The following C3orf49 variants were observed in gnomAD, a reference collection of about 807,000 sequenced individuals.
C3orf49 encodes the protein putative uncharacterized protein C3orf49.
C3orf49 carries 27 observed loss-of-function variants against 13.3 expected under a neutral mutation model. The ratio of observed to expected loss-of-function variants is 2.02; its 90% CI spans 1.49 to 2.79. The LOEUF is 2.79. Among genes scored for constraint, C3orf49 ranks in the 30% most tolerant of loss-of-function variants. The probability of loss-of-function intolerance (pLI) is 0.00; values close to 1 mark genes in which losing one functional copy is unlikely to be tolerated. For missense variants in C3orf49, 242 were observed against 134.2 expected (o/e 1.80, Z -3.97); for synonymous variants, 87 against 47.6 (o/e 1.83, Z -3.40).
chr3:63,829,342 T>C (rs979745075), intron 3 of C3orf49, among the ~76,000 whole-genome samples: 3 of 152,210 alleles, frequency 2.0e-5, no homozygotes, highest in Non-Finnish European at 4.4e-5. Flanking sequence ...TTTGAACAAA[T>C]GTTGCTAGAA....
intron 5 of C3orf49, among the ~76,000 whole-genome samples, chr3:63,839,270 C>T (rs1701704645): frequency 6.6e-6 from 1 of 152,126 alleles, no homozygotes; most frequent in Admixed American, 6.6e-5. Context: ...CCATTTCTGC[C>T]ATTAAAGTTA....
chr3:63,840,606 A>C (rs1204200708), intron 5 of C3orf49, among the ~76,000 whole-genome samples: 2 of 152,218 alleles, frequency 1.3e-5, no homozygotes, highest in Non-Finnish European at 2.9e-5. Context: ...AAAGAAAAAA[A>C]TAAAAAATAA....
At chr3:63,818,577 A>G (rs1019186160), upstream of C3orf49, among the ~76,000 whole-genome samples, 1 of 152,242 alleles carries the variant, frequency 6.6e-6, no homozygotes, top group African/African-American at 2.4e-5. Flanking sequence ...AGTATGCTCC[A>G]GATTATTGAT....
chr3:63,827,573 C>G, intron 2 of C3orf49, 28 bp from the exon 3 acceptor site: 2 of 698,692 alleles, frequency 2.9e-6, no homozygotes, highest in Non-Finnish European at 5.2e-6. Flanking sequence ...GTGATCCTTA[C>G]AGATTCCTTT....
the C3orf49 span, among the ~76,000 whole-genome samples, chr3:63,802,783 T>C: frequency 2.6e-5 from 4 of 152,142 alleles, no homozygotes; most frequent in African/African-American, 7.2e-5. Context: ...CCCAAGGTCA[T>C]GTTTCTACTG....
chr3:63,826,291 C>T (rs984061257), intron 2 of C3orf49, among the ~76,000 whole-genome samples: 2 of 151,860 alleles, frequency 1.3e-5, no homozygotes, highest in African/African-American at 2.4e-5. Context: ...TGAGGGTAAG[C>T]GCAAATGCAG....
chr3:63,798,743 T>C, the C3orf49 span, among the ~76,000 whole-genome samples: 7 of 152,116 alleles, frequency 4.6e-5, no homozygotes, highest in African/African-American at 1.4e-4. Flanking sequence ...TGTGTCTAAA[T>C]GTAAGTTTCC....
At chr3:63,812,302 CA>C in the C3orf49 span, among the ~76,000 whole-genome samples, 8 of 152,064 alleles carry the variant, frequency 5.3e-5, no homozygotes, top group African/African-American at 1.4e-4. Context: ...TTTTTAATCA[CA>C]AAAAAATCTC....
chr3:63,788,047 C>G, the C3orf49 span, among the ~76,000 whole-genome samples: 33 of 152,332 alleles, frequency 2.2e-4, no homozygotes, highest in African/African-American at 7.9e-4. Flanking sequence ...TCTCCAACAG[C>G]TGGCAAGCTT....
intron 2 of C3orf49, among the ~76,000 whole-genome samples, 197 bp downstream of exon 2, chr3:63,823,766 TTGTGTGTGTGTG>T (rs55765936): frequency 0.013 from 1,646 of 123,048 alleles, 24 homozygotes; most frequent in Admixed American, 0.02. Flanking sequence ...GTTCATACCG[TTGTGTGTGTGTG>T]TGTGTGTGTG....
the C3orf49 span, among the ~76,000 whole-genome samples, chr3:63,786,843 C>A: frequency 2.4e-4 from 37 of 152,314 alleles, no homozygotes; most frequent in East Asian, 6.4e-3. Flanking sequence ...CACTTTACAT[C>A]ATGTCTCTCT....
rs548087681 is a variant in C3orf49, at chr3:63,831,733, A to G, written c.738A>G (p.Gln246=). The part of the protein sequence containing the change: ...VTDKSMKLLA[Q]RHAELQQCEF... ...ATAAATCCATGAAGCTACTGGCCCAAAGACATGCTGAGCTTCAACAGTGTG... is the reference window on the plus strand; with the variant it reads ...ATAAATCCATGAAGCTACTGGCCCAGAGACATGCTGAGCTTCAACAGTGTG... Residue 246 remains glutamine (Q), a synonymous_variant, in exon 5 of 7, where the codon CAA becomes CAG. Coordinates refer to ENST00000295896, the MANE Select transcript of C3orf49 (RefSeq NM_001355236.2). The G allele has an allele frequency of 2.4e-4, 166 of 703,116 alleles. No individual in the cohort carries two copies. Among genetic ancestry groups the G allele is most frequent in the Non-Finnish European group, 3.4e-4 (132 of 385,016 alleles). 43.6% of individuals were successfully genotyped at this position (703,116 alleles called of 1,614,324 possible). A position where few individuals can be genotyped will look rare whatever the true frequency, so the allele number is the denominator to read the frequency against.
chr3:63,827,567 T>C, intron 2 of C3orf49, 34 bp from the exon 3 acceptor site: 2 of 697,068 alleles, frequency 2.9e-6, no homozygotes, highest in South Asian at 3.0e-5. Flanking sequence ...CTCATTGTGA[T>C]CCTTACAGAT....
At chr3:63,806,601 G>C in the C3orf49 span, among the ~76,000 whole-genome samples, 12 of 152,228 alleles carry the variant, frequency 7.9e-5, no homozygotes, top group Admixed American at 3.9e-4. Flanking sequence ...CGTGTCTCTG[G>C]CCTCATCTTT....
At chr3:63,828,795 A>G (rs1701497258) in intron 3 of C3orf49, among the ~76,000 whole-genome samples, 1 of 152,138 alleles carries the variant, frequency 6.6e-6, no homozygotes, top group Admixed American at 6.6e-5. Context: ...TATTTTAGGG[A>G]TGGTACTGAG....
At chr3:63,816,462 C>T (rs988302056), upstream of C3orf49, among the ~76,000 whole-genome samples, 1 of 151,844 alleles carries the variant, frequency 6.6e-6, no homozygotes, top group African/African-American at 2.4e-5. Context: ...CGTGGTGGCA[C>T]GTGCCTGTAA....
intron 5 of C3orf49, chr3:63,838,112 A>G (rs759586175): frequency 4.0e-6 from 6 of 1,481,552 alleles, no homozygotes; most frequent in Non-Finnish European, 5.5e-6. Context: ...TCAATAATCC[A>G]TTTTTAATTT....
chr3:63,839,221 G>C (rs888239062), intron 5 of C3orf49, among the ~76,000 whole-genome samples: 1 of 152,218 alleles, frequency 6.6e-6, no homozygotes, highest in South Asian at 2.1e-4. Flanking sequence ...ACGTGTGTGC[G>C]TGTGTATCAG....
At chr3:63,810,141 A>G in the C3orf49 span, among the ~76,000 whole-genome samples, 24 of 151,762 alleles carry the variant, frequency 1.6e-4, no homozygotes, top group Non-Finnish European at 2.1e-4. Context: ...GCAAGACACC[A>G]TCTCAAAAAA....
Sources: allele counts gnomAD v4.1 joint callset (sites outside exome capture counted in the v4.1 genomes callset), GRCh38; gene constraint gnomAD v4.1.1; transcripts MANE v1.5; gene names NCBI Gene and HGNC (gene_info 2026-07-23, HGNC 2026-07-21).